The following EXO1 variants were observed in gnomAD, a reference collection of about 807,000 sequenced individuals.
EXO1 encodes exonuclease 1.
In EXO1, 69 loss-of-function variants were observed where a neutral mutation model predicts 84.5. The ratio of observed to expected loss-of-function variants is 0.82; its 90% CI spans 0.67 to 1.00. EXO1 has a LOEUF of 1.00. Ranked by LOEUF, EXO1 falls within the 50% of genes least tolerant of loss-of-function variation. The pLI, the probability that EXO1 is intolerant of heterozygous loss-of-function variation, is 0.00. For synonymous variants in EXO1, 373 were observed against 366.1 expected (o/e 1.02, Z -0.21); for missense variants, 1,045 against 1,000.7 (o/e 1.04, Z -0.60).
intron 8 of EXO1, among the ~76,000 whole-genome samples, chr1:241,859,781 T>C (rs1661269442): frequency 2.0e-5 from 3 of 152,226 alleles, no homozygotes. Flanking sequence ...CATTGCTACT[T>C]TGTAGTTTGT....
Position 241,864,146 on chromosome 1 carries a change from A to T in EXO1, c.1041+2644A>T, listed in dbSNP as rs191239533. Reference sequence around the variant, plus strand: ...GGGCCCCGAAAAGCTCATGGGGAACATTGTGTGAATGAGTGGGGCTTATGA... The same window carrying T: ...GGGCCCCGAAAAGCTCATGGGGAACTTTGTGTGAATGAGTGGGGCTTATGA... On this transcript the variant is annotated intron_variant, in intron 10 of 15. Transcript: ENST00000366548. 4.2e-3 allele frequency among the ~76,000 whole-genome samples: 632 copies of T among 152,274 alleles called. 2 individuals are homozygous for T. Among genetic ancestry groups the T allele is most frequent in the Non-Finnish European group, 6.5e-3 (443 of 68,028 alleles).
At position 241,855,038 on chromosome 1, in the gene EXO1, C is replaced by T. The variant is rs1660892787; in HGVS notation, c.405+1557C>T. ...CGGTGAGTGTTACAGCTCATAAAAG[C>T]AGCGTGGACCCAAAGAGTGAGCAGT... On this transcript the variant is annotated intron_variant, in intron 6 of 15. Transcript: ENST00000366548. Among the ~76,000 whole-genome samples the T allele has an allele frequency of 5.3e-5, 8 of 152,168 alleles. 1 individual carries two copies. Among genetic ancestry groups the T allele is most frequent in the Admixed American group, 5.2e-4 (8 of 15,274 alleles).
At position 241,865,039 on chromosome 1, in the gene EXO1, A is replaced by G. The variant is rs553773620; in HGVS notation, c.1042-1791A>G. ...CAGGCACATGCCACCATGCCTGGCTAATTTTGTGTGTGTGGGGGGGGGGTC... is the reference window on the plus strand; with the variant it reads ...CAGGCACATGCCACCATGCCTGGCTGATTTTGTGTGTGTGGGGGGGGGGTC... On this transcript the variant is annotated intron_variant, in intron 10 of 15. Transcript: ENST00000366548. Among the ~76,000 whole-genome samples the G allele has an allele frequency of 2.7e-5, 4 of 148,186 alleles. No individual in the cohort carries two copies. The South Asian group carries it at 8.7e-4, about 32-fold the overall frequency.
At chr1:241,873,092 A>G (rs1312759496) in intron 12 of EXO1, among the ~76,000 whole-genome samples, 3 of 148,686 alleles carry the variant, frequency 2.0e-5, no homozygotes, top group East Asian at 2.0e-4. Flanking sequence ...TTTTTTTTAT[A>G]CTTTAAGTTC....
At position 241,872,120 on chromosome 1, in the gene EXO1, A is replaced by G; in HGVS notation, c.1356A>G (p.Ser452=). Residue 452 remains serine (S), a synonymous_variant, in exon 12 of 16, where the codon TCA becomes TCG. Coordinates refer to ENST00000366548, the MANE Select transcript of EXO1 (RefSeq NM_130398.4). ...AAAATAGCTCTGAAGGCAATAAATC[A>G]TTGAGCTTTTCTGAAGTGTTTGTGC... The part of the protein sequence containing the change: ...TKKNSSEGNK[S]LSFSEVFVPD... 1 of 1,614,004 alleles carries G rather than the reference A, an allele frequency of 6.2e-7. No individual in the cohort carries two copies. The highest frequency in any genetic ancestry group is 8.5e-7 in the Non-Finnish European group (1 of 1,179,912).
intron 6 of EXO1, among the ~76,000 whole-genome samples, chr1:241,855,575 T>A (rs1369874747): frequency 1.3e-5 from 2 of 152,234 alleles, no homozygotes; most frequent in South Asian, 2.1e-4. Context: ...CTGCGCCGTC[T>A]GCCCGCACTC....
intron 15 of EXO1, among the ~76,000 whole-genome samples, chr1:241,887,102 T>G (rs769644328): frequency 6.6e-6 from 1 of 152,232 alleles, no homozygotes; most frequent in Non-Finnish European, 1.5e-5. Context: ...TCAGTGATAG[T>G]GTAGAATATG....
intron 10 of EXO1, 25 bp from the exon 11 acceptor site, chr1:241,866,805 A>C: frequency 6.7e-7 from 1 of 1,483,542 alleles, no homozygotes; most frequent in Non-Finnish European, 9.4e-7. Flanking sequence ...TTCTGCAAAT[A>C]ATCTTTTTCC....
At chr1:241,852,553 G>A in intron 5 of EXO1, 142 bp downstream of exon 5, 1 of 747,166 alleles carries the variant, frequency 1.3e-6, no homozygotes, top group Admixed American at 1.9e-5. Context: ...GTTGAGGCAA[G>A]AGGATCACTT....
At chr1:241,862,469 C>G (rs1661455735) in intron 10 of EXO1, among the ~76,000 whole-genome samples, 2 of 152,166 alleles carry the variant, frequency 1.3e-5, no homozygotes, top group Admixed American at 1.3e-4. Context: ...CTCACTGTCT[C>G]TTGCGTCTCT....
chr1:241,856,405 T>C (rs559540478), intron 6 of EXO1, among the ~76,000 whole-genome samples: 1 of 152,178 alleles, frequency 6.6e-6, no homozygotes, highest in Admixed American at 6.5e-5. Context: ...TTGGCAAGTT[T>C]ATTTTAAAAG....
chr1:241,870,369 A>G (rs1395019701), intron 11 of EXO1, among the ~76,000 whole-genome samples: 1 of 152,084 alleles, frequency 6.6e-6, no homozygotes, highest in Non-Finnish European at 1.5e-5. Flanking sequence ...GACACTCCTA[A>G]ATTTCTCTTC....
chr1:241,853,023 G>C (rs1660753964), intron 5 of EXO1, among the ~76,000 whole-genome samples: 1 of 152,194 alleles, frequency 6.6e-6, no homozygotes, highest in African/African-American at 2.4e-5. Context: ...TATGTGAACA[G>C]ATTTCCTTAA....
In EXO1 at chr1:241,867,018, C is replaced by G; in HGVS notation, c.1230C>G (p.Leu410=). 1.2e-6 allele frequency: 2 copies of G among 1,613,924 alleles called. No homozygotes were observed. Among genetic ancestry groups the G allele is most frequent in the Non-Finnish European group, 8.5e-7 (1 of 1,179,866 alleles). ...ERVISTKGLN[L]PRKSSIVKRP... ...TGATTAGTACTAAAGGGTTAAATCT[C>G]CCAAGGAAATCATCCATTGTGAAAA... is the stretch of plus-strand genomic sequence containing the variant. Residue 410 remains leucine (L), a synonymous_variant, in exon 11 of 16, where the codon CTC becomes CTG. Transcript: ENST00000366548.
chr1:241,883,362 G>C (rs1662876663), intron 14 of EXO1, among the ~76,000 whole-genome samples: 1 of 152,166 alleles, frequency 6.6e-6, no homozygotes, highest in African/African-American at 2.4e-5. Context: ...GTCTGAGTGA[G>C]AGCCCACTTC....
At position 241,858,775 on chromosome 1, in the gene EXO1, TAATA is replaced by T. The variant is rs1455512340; in HGVS notation, c.756+61_756+64del. 1.0e-5 allele frequency: 11 copies of T among 1,050,458 alleles called. No homozygotes were observed. The Admixed American group carries it at 1.9e-4, about 18-fold the overall frequency. The allele number at this position is 1,050,458 out of a possible 1,614,324, so 65.1% of individuals were successfully genotyped here. Reference sequence around the variant, plus strand: ...TTTCTGAAGCATTTCCTTAATAAAATAATAAATCATAATATGGATTTAAATATTC... The same window carrying T: ...TTTCTGAAGCATTTCCTTAATAAAATAATCATAATATGGATTTAAATATTC... On this transcript the variant is annotated intron_variant, in intron 8 of 15. Transcript: ENST00000366548.
chr1:241,851,090 A>G lies in EXO1; in HGVS notation c.161+504A>G, dbSNP rs1266219468. Reference sequence around the variant, plus strand: ...AGTGATCCGCCTGCTTTGGCCTCCCAAAGTGCTGAGATTACAGGCGTGAGC... The same window carrying G: ...AGTGATCCGCCTGCTTTGGCCTCCCGAAGTGCTGAGATTACAGGCGTGAGC... On this transcript the variant is annotated intron_variant, in intron 4 of 15. Coordinates refer to ENST00000366548, the MANE Select transcript of EXO1 (RefSeq NM_130398.4). Among the ~76,000 whole-genome samples the G allele has an allele frequency of 2.0e-5, 3 of 152,124 alleles. No homozygotes were observed. The South Asian group carries it at 6.2e-4, about 32-fold the overall frequency.
chr1:241,874,960 G>A (rs554585886), intron 12 of EXO1, among the ~76,000 whole-genome samples: 1 of 152,290 alleles, frequency 6.6e-6, no homozygotes, highest in East Asian at 1.9e-4. Context: ...TCCACTAGAA[G>A]ACTTCGAATG....
At chr1:241,885,894 C>T (rs1663045932) in intron 15 of EXO1, among the ~76,000 whole-genome samples, 1 of 146,704 alleles carries the variant, frequency 6.8e-6, no homozygotes, top group Admixed American at 7.0e-5. Context: ...GCTCTTGTTA[C>T]CCAGGCTGGA....
Sources: gnomAD v4.1 joint callset for allele counts (sites outside exome capture counted in the v4.1 genomes callset) on GRCh38, gnomAD v4.1.1 for gene constraint, MANE v1.5 for transcripts, NCBI Gene and HGNC (gene_info 2026-07-23, HGNC 2026-07-21) for gene names.